The following NFIB variants were observed in gnomAD, a reference collection of about 807,000 sequenced individuals.
NFIB encodes nuclear factor 1 B-type.
NFIB carries 11 observed loss-of-function variants against 61.5 expected under a neutral mutation model. The observed-to-expected ratio is 0.18, with a 90% CI of 0.11 to 0.30. The LOEUF is 0.30. NFIB is among the 10% of genes least tolerant of loss of function. NFIB has a pLI of 1.00. For missense variants in NFIB, 471 were observed against 608.9 expected (o/e 0.77, Z 2.38); for synonymous variants, 260 against 216.5 (o/e 1.20, Z -1.76).
At chr9:14,368,754 T>A (rs1478698419) in intron 1 of NFIB, among the ~76,000 whole-genome samples, 1 of 152,246 alleles carries the variant, frequency 6.6e-6, no homozygotes, top group Non-Finnish European at 1.5e-5. Context: ...CATATTTTGG[T>A]GCTTTCAGAG....
upstream of NFIB, among the ~76,000 whole-genome samples, chr9:14,316,345 G>C (rs929178717): frequency 6.6e-5 from 10 of 152,244 alleles, no homozygotes; most frequent in South Asian, 2.1e-4. Context: ...AAAGGCGCTG[G>C]GGGGTGGGGA....
intron 8 of NFIB, among the ~76,000 whole-genome samples, chr9:14,117,122 GA>G (rs2038259500): frequency 6.6e-6 from 1 of 152,202 alleles, no homozygotes; most frequent in Non-Finnish European, 1.5e-5. Context: ...GTACTGAGGG[GA>G]AGCAGAGGAC....
Position 14,113,097 on chromosome 9 carries a change from C to A in NFIB, c.1385-16G>T. On this transcript the variant is annotated splice_polypyrimidine_tract_variant and intron_variant, in intron 9 of 10. Transcript: ENST00000380953. ...GCTGTGTAGGCTGATTAAGGAAGAACAAAAACAAAGATAAAAATTGTGAAC... is the reference window on the plus strand; with the variant it reads ...GCTGTGTAGGCTGATTAAGGAAGAAAAAAAACAAAGATAAAAATTGTGAAC... 6.5e-7 allele frequency: 1 copy of A among 1,543,136 alleles called. No individual in the cohort carries two copies. The highest frequency in any genetic ancestry group is 8.7e-7 in the Non-Finnish European group (1 of 1,143,546).
chr9:14,471,893 C>G, the NFIB span, among the ~76,000 whole-genome samples: 2 of 152,166 alleles, frequency 1.3e-5, no homozygotes, highest in African/African-American at 2.4e-5. Flanking sequence ...ATTGATCCAC[C>G]TGTGTTAGGC....
In NFIB at chr9:14,225,882, C is replaced by A. The variant is rs1390253885; in HGVS notation, c.563-46102G>T. Among the ~76,000 whole-genome samples, 6 of 152,158 alleles carry A rather than the reference C, an allele frequency of 3.9e-5. No individual in the cohort carries two copies. In the East Asian group the frequency reaches 7.7e-4, roughly 20 times the overall value. On this transcript the variant is annotated intron_variant, in intron 2 of 10. Coordinates refer to ENST00000380953, the MANE Select transcript of NFIB (RefSeq NM_001190737.2). ...ACTGTATATATAACATTTTGTCATT[C>A]TGATGAAATACATGTTATTTCCTTT...
upstream of NFIB, among the ~76,000 whole-genome samples, chr9:14,402,076 T>C (rs550205240): frequency 3.3e-5 from 5 of 152,238 alleles, no homozygotes; most frequent in South Asian, 1.0e-3. Flanking sequence ...CCTGGAAAAT[T>C]TTCCCCAGAG....
At chr9:14,342,702 G>T (rs1378197502) in intron 1 of NFIB, among the ~76,000 whole-genome samples, 1 of 152,166 alleles carries the variant, frequency 6.6e-6, no homozygotes, top group Non-Finnish European at 1.5e-5. Flanking sequence ...TTCAAACCAT[G>T]TGTGTCTGAT....
chr9:14,481,877 C>T, the NFIB span, among the ~76,000 whole-genome samples: 1 of 152,228 alleles, frequency 6.6e-6, no homozygotes, highest in South Asian at 2.1e-4. Flanking sequence ...TCCTCTCTTT[C>T]CCCAGTTCTG....
intron 3 of NFIB, among the ~76,000 whole-genome samples, chr9:14,171,976 C>A (rs932628302): frequency 2.0e-5 from 3 of 152,150 alleles, no homozygotes; most frequent in African/African-American, 7.2e-5. Context: ...AATTTTTAAA[C>A]ATAGGAAGGT....
At chr9:14,253,280 G>A (rs766124029) in intron 2 of NFIB, among the ~76,000 whole-genome samples, 4 of 152,134 alleles carry the variant, frequency 2.6e-5, no homozygotes, top group Non-Finnish European at 5.9e-5. Flanking sequence ...ACTAACAAAT[G>A]TTTGAAAGAA....
At chr9:14,213,040 A>G (rs906262148) in intron 2 of NFIB, among the ~76,000 whole-genome samples, 42 of 152,368 alleles carry the variant, frequency 2.8e-4, no homozygotes, top group African/African-American at 9.6e-4. Flanking sequence ...CAAAAATTAT[A>G]CATCAATCAT....
the NFIB span, among the ~76,000 whole-genome samples, chr9:14,463,321 A>ATAAATGGAGAGCTATACTTTAT: frequency 3.9e-5 from 6 of 152,036 alleles, no homozygotes; most frequent in Non-Finnish European, 7.4e-5. Flanking sequence ...GAAGAGTTGG[A>ATAAATGGAGAGCTATACTTTAT]TAAATGGAGA....
intron 2 of NFIB, among the ~76,000 whole-genome samples, chr9:14,182,149 G>T (rs1436820466): frequency 6.6e-6 from 1 of 152,084 alleles, no homozygotes; most frequent in Non-Finnish European, 1.5e-5. Flanking sequence ...AACAACTGCA[G>T]ACCAACTTCT....
intron 10 of NFIB, among the ~76,000 whole-genome samples, chr9:14,100,742 A>G (rs2035656903): frequency 6.6e-6 from 1 of 152,230 alleles, no homozygotes. Flanking sequence ...ATAACTAGGT[A>G]AAGTTACATT....
chr9:14,458,704 G>A, the NFIB span, among the ~76,000 whole-genome samples: 1 of 152,204 alleles, frequency 6.6e-6, no homozygotes, highest in African/African-American at 2.4e-5. Context: ...AAAATCACAA[G>A]CATTCTTATA....
At chr9:14,371,347 C>G (rs140763723) in intron 1 of NFIB, among the ~76,000 whole-genome samples, 1,579 of 152,296 alleles carry the variant, frequency 0.01, 29 homozygotes, top group African/African-American at 0.036. Flanking sequence ...GTTCCTTCTT[C>G]TTAGGGTAGG....
At position 14,345,837 on chromosome 9, in the gene NFIB, T is replaced by A. The variant is rs1231644658; in HGVS notation, c.109-38317A>T. Among the ~76,000 whole-genome samples the A allele has an allele frequency of 4.6e-5, 7 of 152,268 alleles. No individual in the cohort carries two copies. In the East Asian group the frequency reaches 1.4e-3, roughly 30 times the overall value. On this transcript the variant is annotated intron_variant, in intron 1 of 8. Coordinates refer to the NFIB transcript ENST00000380934. ...TTTTCTCCCCTCACACCCCTCCCTCTTCAAACGGCCTTTCAAAGATGACTT... is the reference window on the plus strand; with the variant it reads ...TTTTCTCCCCTCACACCCCTCCCTCATCAAACGGCCTTTCAAAGATGACTT...
At chr9:14,464,839 G>C in the NFIB span, among the ~76,000 whole-genome samples, 1 of 152,004 alleles carries the variant, frequency 6.6e-6, no homozygotes, top group Non-Finnish European at 1.5e-5. Flanking sequence ...TTATCTTTTT[G>C]TCTCCAATCC....
chr9:14,381,313 T>C (rs1267383568), intron 1 of NFIB, among the ~76,000 whole-genome samples: 7 of 151,904 alleles, frequency 4.6e-5, no homozygotes, highest in African/African-American at 7.2e-5. Flanking sequence ...CACCTCAGCC[T>C]CCTGAAGAGC....
Sources: gnomAD v4.1 joint callset for allele counts (sites outside exome capture counted in the v4.1 genomes callset) on GRCh38, gnomAD v4.1.1 for gene constraint, MANE v1.5 for transcripts, NCBI Gene and HGNC (gene_info 2026-07-23, HGNC 2026-07-21) for gene names.